MTHFD1L: variants seen among roughly 807,000 people sequenced by gnomAD.
MTHFD1L encodes the protein monofunctional C1-tetrahydrofolate synthase, mitochondrial.
Under a neutral mutation model 119.5 loss-of-function variants are expected in MTHFD1L, and 81 were observed. The observed-to-expected ratio is 0.68, with a 90% CI of 0.57 to 0.82. MTHFD1L has a LOEUF of 0.82. Ranked by LOEUF, MTHFD1L falls within the 40% of genes least tolerant of loss-of-function variation. The probability of loss-of-function intolerance (pLI) is 0.00; values close to 1 mark genes in which losing one functional copy is unlikely to be tolerated. For missense variants in MTHFD1L, 1,125 were observed against 1,253.4 expected, an observed-to-expected ratio of 0.90 and a Z score of 1.55; for synonymous variants, 430 against 475.2, an observed-to-expected ratio of 0.90 and a Z score of 1.24.
At chr6:150,925,908 TTG>T (rs1715250113) in intron 10 of MTHFD1L, among the ~76,000 whole-genome samples, 1 of 152,150 alleles carries the variant, frequency 6.6e-6, no homozygotes, top group Non-Finnish European at 1.5e-5. Context: ...TCTAGGATCT[TTG>T]TGAGTTTTTT....
chr6:150,904,314 CTG>C (rs1160145265), intron 7 of MTHFD1L, among the ~76,000 whole-genome samples: 1 of 152,136 alleles, frequency 6.6e-6, no homozygotes, highest in Non-Finnish European at 1.5e-5. Flanking sequence ...CCCAGAGACT[CTG>C]TGGTTAGTTG....
intron 27 of MTHFD1L, among the ~76,000 whole-genome samples, chr6:151,097,954 A>G (rs1340940379): frequency 6.6e-6 from 1 of 152,112 alleles, no homozygotes; most frequent in African/African-American, 2.4e-5. Context: ...TGGGTGGATC[A>G]CTTGAGCCCA....
At chr6:150,889,690 G>C (rs1562323273) in intron 7 of MTHFD1L, among the ~76,000 whole-genome samples, 1 of 152,160 alleles carries the variant, frequency 6.6e-6, no homozygotes, top group Non-Finnish European at 1.5e-5. Flanking sequence ...TGCTGTTTTT[G>C]CTCACCAGTC....
chr6:150,955,572 T>C (rs1241072131), intron 16 of MTHFD1L, among the ~76,000 whole-genome samples: 1 of 147,934 alleles, frequency 6.8e-6, no homozygotes, highest in African/African-American at 2.5e-5. Flanking sequence ...CAATCTCAGC[T>C]CACTGCAACC....
At chr6:150,956,123 C>T in intron 17 of MTHFD1L, 52 bp downstream of exon 17, 1 of 1,546,492 alleles carries the variant, frequency 6.5e-7, no homozygotes, top group South Asian at 1.1e-5. Context: ...TTCATTTCTA[C>T]TGGCCTGGGA....
chr6:151,007,982 T>C (rs1781637584), intron 20 of MTHFD1L, among the ~76,000 whole-genome samples: 1 of 152,220 alleles, frequency 6.6e-6, no homozygotes, highest in Admixed American at 6.5e-5. Context: ...TTTGATGTAA[T>C]TTTTTTAATT....
intron 23 of MTHFD1L, 24 bp downstream of exon 23, chr6:151,015,004 A>G: frequency 1.3e-6 from 2 of 1,599,750 alleles, no homozygotes; most frequent in East Asian, 4.5e-5. Flanking sequence ...CCTCCTTTAA[A>G]TGTGGGCATT....
chr6:151,041,105 G>C (rs1027577210), intron 26 of MTHFD1L, among the ~76,000 whole-genome samples: 5 of 152,190 alleles, frequency 3.3e-5, no homozygotes, highest in Non-Finnish European at 5.9e-5. Flanking sequence ...TGGAACAGTC[G>C]GGTGTGGGGC....
At chr6:150,885,884 C>G in intron 6 of MTHFD1L, 150 bp downstream of exon 6, 1 of 584,204 alleles carries the variant, frequency 1.7e-6, no homozygotes, top group Middle Eastern at 4.7e-4. Flanking sequence ...TCTAATTGAA[C>G]ATAGAAGTGA....
intron 26 of MTHFD1L, among the ~76,000 whole-genome samples, chr6:151,049,491 C>CAAAAA (rs61344944): frequency 1.2e-5 from 1 of 85,984 alleles, no homozygotes; most frequent in Non-Finnish European, 2.3e-5. Flanking sequence ...GACTCCGTCT[C>CAAAAA]AAAAAAAAAA....
chr6:150,866,483 T>TTCGGGAAGGGCAAGCGGAGC lies in MTHFD1L; in HGVS notation c.227+441_227+460dup, dbSNP rs1199980571. On this transcript the variant is annotated intron_variant, in intron 1 of 27. Coordinates refer to ENST00000367321, the MANE Select transcript of MTHFD1L (RefSeq NM_015440.5). ...GCTCGGCGCGCCGGCTGGCCCGGGG[T>TTCGGGAAGGGCAAGCGGAGC]TCGGGAAGGGCAAGCGGAGCTCGGG... is the stretch of plus-strand genomic sequence containing the variant. 9 of 1,317,004 alleles carry TTCGGGAAGGGCAAGCGGAGC rather than the reference T, an allele frequency of 6.8e-6. No homozygotes were observed. The East Asian group carries it at 2.5e-4, about 37-fold the overall frequency. The allele number at this position is 1,317,004 out of a possible 1,614,324, so 81.6% of individuals were successfully genotyped here. A position where few individuals can be genotyped will look rare whatever the true frequency, so the allele number is the denominator to read the frequency against.
At chr6:150,969,002 C>G (rs955377085) in intron 19 of MTHFD1L, among the ~76,000 whole-genome samples, 1 of 151,902 alleles carries the variant, frequency 6.6e-6, no homozygotes, top group Non-Finnish European at 1.5e-5. Flanking sequence ...GCGCCCGCTA[C>G]CATGCCTGGC....
chr6:151,008,043 A>G (rs1230090036), intron 20 of MTHFD1L, among the ~76,000 whole-genome samples: 2 of 152,184 alleles, frequency 1.3e-5, no homozygotes, highest in African/African-American at 4.8e-5. Context: ...CTCTGGCCCT[A>G]TTACCTTACC....
At chr6:150,917,216 T>C (rs146178246) in intron 8 of MTHFD1L, among the ~76,000 whole-genome samples, 141 of 152,210 alleles carry the variant, frequency 9.3e-4, no homozygotes, top group African/African-American at 3.3e-3. Context: ...CTATGTATTG[T>C]ACAGTAAAGA....
intron 8 of MTHFD1L, among the ~76,000 whole-genome samples, chr6:150,916,903 A>C (rs558901444): frequency 4.8e-4 from 72 of 150,738 alleles, no homozygotes; most frequent in African/African-American, 1.7e-3. Context: ...CTGGGATTAC[A>C]GGCATGTGCC....
intron 20 of MTHFD1L, among the ~76,000 whole-genome samples, chr6:150,987,618 G>A (rs937522685): frequency 7.2e-5 from 11 of 152,220 alleles, no homozygotes; most frequent in Non-Finnish European, 1.5e-4. Flanking sequence ...CTAGCGCAAG[G>A]GGGAGCAGGA....
chr6:151,036,268 T>A (rs1171592152), intron 25 of MTHFD1L, among the ~76,000 whole-genome samples: 1 of 152,098 alleles, frequency 6.6e-6, no homozygotes, highest in Non-Finnish European at 1.5e-5. Context: ...ATTTTTTTTT[T>A]AAAGTTAGTG....
intron 20 of MTHFD1L, among the ~76,000 whole-genome samples, chr6:151,007,308 C>T (rs934587789): frequency 6.6e-6 from 1 of 151,916 alleles, no homozygotes; most frequent in African/African-American, 2.4e-5. Flanking sequence ...CTCTCTCCCA[C>T]TTCCCTGCAG....
At chr6:150,935,188 G>T (rs1403628232) in intron 11 of MTHFD1L, 1 of 1,611,868 alleles carries the variant, frequency 6.2e-7, no homozygotes, top group African/African-American at 1.3e-5. Context: ...TTCACTTCTG[G>T]GATGTAGGTG....
Sources: gnomAD v4.1 joint callset for allele counts (sites outside exome capture counted in the v4.1 genomes callset) on GRCh38, gnomAD v4.1.1 for gene constraint, MANE v1.5 for transcripts, NCBI Gene and HGNC (gene_info 2026-07-23, HGNC 2026-07-21) for gene names.